Variants in SLC38A1 observed in about 807,000 individuals in gnomAD.
The protein encoded by SLC38A1 is sodium-coupled neutral amino acid symporter 1.
A neutral mutation model predicts 60.3 loss-of-function variants in SLC38A1; 18 were observed. The ratio of observed to expected loss-of-function variants is 0.30; its 90% CI spans 0.21 to 0.44. The LOEUF (loss-of-function observed/expected upper bound fraction) is 0.44. Among genes scored for constraint, SLC38A1 ranks in the 20% least tolerant of loss-of-function variants. The pLI, the probability that SLC38A1 is intolerant of heterozygous loss-of-function variation, is 1.00. For missense variants in SLC38A1, 448 were observed against 587.2 expected (o/e 0.76, Z 2.45); for synonymous variants, 196 against 212.1 (o/e 0.92, Z 0.66).
intron 2 of SLC38A1, among the ~76,000 whole-genome samples, chr12:46,242,485 A>G (rs1941478427): frequency 6.6e-6 from 1 of 152,188 alleles, no homozygotes; most frequent in African/African-American, 2.4e-5. Flanking sequence ...TAAAAGTAAT[A>G]CAATGGCTGG....
rs779359508 is a variant in SLC38A1 at position 46,186,798 on chromosome 12, G to C, written c.*2172C>G. ...CCAGTTAATGATAAGGTTCTAAATT[G>C]ACTTTGTGAGGGTAAAATGAATTGC... On this transcript the variant is annotated 3_prime_UTR_variant, in exon 17 of 17. Transcript: ENST00000398637. 4.6e-5 allele frequency: 7 copies of C among 152,174 alleles called. No homozygotes were observed. The highest frequency in any genetic ancestry group is 8.8e-5 in the Non-Finnish European group (6 of 68,024). The allele number at this position is 152,174 out of a possible 1,614,324, so 9.4% of individuals were successfully genotyped here.
chr12:46,222,266 G>A (rs1565772565), intron 5 of SLC38A1, among the ~76,000 whole-genome samples: 3 of 151,698 alleles, frequency 2.0e-5, no homozygotes, highest in Non-Finnish European at 2.9e-5. Flanking sequence ...TCTAAAAGCA[G>A]GTTAAAAATA....
At chr12:46,190,533 C>A (rs76510043) in intron 16 of SLC38A1, among the ~76,000 whole-genome samples, 1 of 152,192 alleles carries the variant, frequency 6.6e-6, no homozygotes, top group East Asian at 1.9e-4. Flanking sequence ...AATGGTTGAA[C>A]TAATTTACAC....
At chr12:46,210,179 G>C (rs1325862858) in intron 5 of SLC38A1, among the ~76,000 whole-genome samples, 1 of 152,186 alleles carries the variant, frequency 6.6e-6, no homozygotes, top group African/African-American at 2.4e-5. Context: ...CCCCAGCTCA[G>C]ATGCCAACTC....
In SLC38A1 at chr12:46,185,062, C is replaced by T. The variant is rs1000831367; in HGVS notation, c.*3908G>A. 1.2e-4 allele frequency: 18 copies of T among 152,096 alleles called. No homozygotes were observed. The highest frequency in any genetic ancestry group is 4.1e-4 in the African/African-American group (17 of 41,408). The allele number at this position is 152,096 out of a possible 1,614,324, so 9.4% of individuals were successfully genotyped here. A position where few individuals can be genotyped will look rare whatever the true frequency, so the allele number is the denominator to read the frequency against. The stretch of plus-strand genomic sequence containing the variant: ...GCTCCTGTATGTTGCACCATGAGTC[C>T]TAGGAATCATCTGGTGAGGGAGGAC... On this transcript the variant is annotated 3_prime_UTR_variant, in exon 17 of 17. Transcript: ENST00000398637.
intron 1 of SLC38A1, among the ~76,000 whole-genome samples, chr12:46,252,989 T>C (rs1941904942): frequency 7.1e-6 from 1 of 140,354 alleles, no homozygotes. Context: ...ACATGGTATC[T>C]TTTTTTGAAA....
chr12:46,263,840 T>C (rs116390036), intron 1 of SLC38A1, among the ~76,000 whole-genome samples: 2,146 of 152,300 alleles, frequency 0.014, 48 homozygotes, highest in African/African-American at 0.048. Context: ...CAACAAATGG[T>C]TGGTTTAGTA....
chr12:46,196,093 T>A (rs1376710911), intron 16 of SLC38A1: 2 of 1,515,016 alleles, frequency 1.3e-6, no homozygotes, highest in East Asian at 4.9e-5. Context: ...GGAAGCAACC[T>A]CAGGTATTTC....
chr12:46,204,610 AT>A lies in SLC38A1; in HGVS notation c.647-21del. On this transcript the variant is annotated intron_variant, in intron 9 of 16. Coordinates refer to ENST00000398637, the MANE Select transcript of SLC38A1 (RefSeq NM_030674.4). The stretch of plus-strand genomic sequence containing the variant: ...GATACCCTTTAAAAAAAAGTAAAAA[AT>A]AAATTATTTCATTTTTTTCCATTTT... The A allele has an allele frequency of 6.4e-7, 1 of 1,568,182 alleles. No homozygotes were observed. Among genetic ancestry groups the A allele is most frequent in the Admixed American group, 1.9e-5 (1 of 52,188 alleles).
Position 46,242,495 on chromosome 12 carries a change from G to A in SLC38A1, c.-94+705C>T, listed in dbSNP as rs569024689. Among the ~76,000 whole-genome samples, 3 of 152,180 alleles carry A rather than the reference G, an allele frequency of 2.0e-5. No homozygotes were observed. In the East Asian group the frequency reaches 5.8e-4, roughly 29 times the overall value. On this transcript the variant is annotated intron_variant, in intron 2 of 16. Coordinates refer to ENST00000398637, the MANE Select transcript of SLC38A1 (RefSeq NM_030674.4). The stretch of plus-strand genomic sequence containing the variant: ...AATTCTAAAAGTAATACAATGGCTG[G>A]GCATGGTGGCTCATATTTGTAATCT...
chr12:46,192,020 G>A (rs1330195506), intron 16 of SLC38A1, among the ~76,000 whole-genome samples: 2 of 152,206 alleles, frequency 1.3e-5, no homozygotes, highest in Non-Finnish European at 2.9e-5. Flanking sequence ...AGTTTTCAAA[G>A]GGAATGCTTT....
chr12:46,245,383 A>G (rs1941580080), intron 1 of SLC38A1, among the ~76,000 whole-genome samples: 2 of 152,252 alleles, frequency 1.3e-5, no homozygotes, highest in Non-Finnish European at 2.9e-5. Context: ...ATTAACTGTC[A>G]GGGTAATGCA....
intron 8 of SLC38A1, 133 bp downstream of exon 8, chr12:46,207,022 G>A: frequency 1.6e-6 from 1 of 626,332 alleles, no homozygotes. Flanking sequence ...GAAATTTATT[G>A]TTGAAACAAC....
intron 12 of SLC38A1, among the ~76,000 whole-genome samples, chr12:46,201,716 A>G (rs923158234): frequency 1.3e-5 from 2 of 151,914 alleles, no homozygotes; most frequent in Non-Finnish European, 2.9e-5. Flanking sequence ...AGCTGGAATG[A>G]TGAAGGGCTC....
Position 46,188,731 on chromosome 12 carries a change from T to A in SLC38A1, c.*239A>T, listed in dbSNP as rs1410374963. ...TGATTGTGAAAAGTACTGGGAAATA[T>A]GATTGTATGAAATTTGAAAAAAAAA... is the stretch of plus-strand genomic sequence containing the variant. On this transcript the variant is annotated 3_prime_UTR_variant, in exon 17 of 17. Transcript: ENST00000398637. 2 of 402,532 alleles carry A rather than the reference T, an allele frequency of 5.0e-6. No individual in the cohort carries two copies. The highest frequency in any genetic ancestry group is 4.5e-6 in the Non-Finnish European group (1 of 221,570). 24.9% of individuals were successfully genotyped at this position (402,532 alleles called of 1,614,324 possible).
At chr12:46,238,955 C>A (rs866389039) in intron 3 of SLC38A1, among the ~76,000 whole-genome samples, 1 of 152,198 alleles carries the variant, frequency 6.6e-6, no homozygotes, top group Non-Finnish European at 1.5e-5. Flanking sequence ...GGATGACACA[C>A]TTGTAGTTTA....
At chr12:46,198,127 G>A in intron 14 of SLC38A1, 67 bp from the exon 15 acceptor site, 2 of 1,505,384 alleles carry the variant, frequency 1.3e-6, no homozygotes, top group Admixed American at 1.9e-5. Context: ...TTTCTCTGCA[G>A]AGTAACTGAT....
chr12:46,218,900 G>A (rs982853057), intron 5 of SLC38A1, among the ~76,000 whole-genome samples: 1 of 152,114 alleles, frequency 6.6e-6, no homozygotes, highest in African/African-American at 2.4e-5. Flanking sequence ...CTGGTTGGGC[G>A]AGATTACCAG....
intron 11 of SLC38A1, among the ~76,000 whole-genome samples, chr12:46,203,952 T>C (rs1262781294): frequency 6.6e-6 from 1 of 152,208 alleles, no homozygotes; most frequent in Non-Finnish European, 1.5e-5. Flanking sequence ...ATTTCAACTG[T>C]GCAACCTGAG....
Sources: allele counts gnomAD v4.1 joint callset (sites outside exome capture counted in the v4.1 genomes callset), GRCh38; gene constraint gnomAD v4.1.1; transcripts MANE v1.5; gene names NCBI Gene and HGNC (gene_info 2026-07-23, HGNC 2026-07-21).